SHANK2: variants seen among roughly 807,000 people sequenced by gnomAD.
The protein encoded by SHANK2 is SH3 and multiple ankyrin repeat domains protein 2.
Under a neutral mutation model 133.7 loss-of-function variants are expected in SHANK2, and 43 were observed. The ratio of observed to expected loss-of-function variants is 0.32; its 90% CI spans 0.25 to 0.41. The LOEUF (loss-of-function observed/expected upper bound fraction) is 0.41. SHANK2 is among the 10% of genes least tolerant of loss of function. SHANK2 has a pLI of 1.00. For missense variants in SHANK2, 1,994 were observed against 2,235.8 expected, an observed-to-expected ratio of 0.89 and a Z score of 2.18; for synonymous variants, 1,017 against 952.8, an observed-to-expected ratio of 1.07 and a Z score of -1.24.
intron 14 of SHANK2, among the ~76,000 whole-genome samples, chr11:70,759,037 T>C (rs2134963539): frequency 6.6e-6 from 1 of 152,106 alleles, no homozygotes; most frequent in East Asian, 1.9e-4. Context: ...TGTGTGCCTG[T>C]AGTCCCAGCT....
intron 14 of SHANK2, among the ~76,000 whole-genome samples, chr11:70,730,855 T>C (rs1452692595): frequency 7.0e-6 from 1 of 143,230 alleles, no homozygotes; most frequent in Non-Finnish European, 1.5e-5. Context: ...GTAATTTAGG[T>C]GAAATTTACA....
At chr11:70,490,898 TGTG>T (rs1555155694) in intron 22 of SHANK2, among the ~76,000 whole-genome samples, 1 of 152,206 alleles carries the variant, frequency 6.6e-6, no homozygotes, top group African/African-American at 2.4e-5. Context: ...AACCAGGTAT[TGTG>T]GTGGTGTGTG....
At chr11:70,784,409 T>C (rs1467259880) in intron 14 of SHANK2, among the ~76,000 whole-genome samples, 1 of 132,538 alleles carries the variant, frequency 7.5e-6, no homozygotes, top group Non-Finnish European at 1.6e-5. Context: ...GTTGGTGCAG[T>C]GCAGTAGTGT....
At chr11:71,235,035 C>T (rs78420742) in intron 1 of SHANK2, among the ~76,000 whole-genome samples, 1,531 of 152,278 alleles carry the variant, frequency 0.01, 23 homozygotes, top group East Asian at 0.069. Flanking sequence ...CGCTACAACA[C>T]GAATCATCCT....
chr11:71,108,455 C>A (rs1951834750), intron 6 of SHANK2, among the ~76,000 whole-genome samples: 1 of 152,158 alleles, frequency 6.6e-6, no homozygotes, highest in Non-Finnish European at 1.5e-5. Context: ...AGATGCCCTA[C>A]TACCCACCCC....
chr11:71,066,352 T>TG (rs1382670207), intron 9 of SHANK2, among the ~76,000 whole-genome samples: 118 of 19,642 alleles, frequency 6.0e-3, no homozygotes, highest in African/African-American at 0.025. Context: ...GTGGGGAAGT[T>TG]GGGGGGGTGC....
At chr11:70,942,345 A>G (rs1950659940) in intron 10 of SHANK2, among the ~76,000 whole-genome samples, 1 of 152,138 alleles carries the variant, frequency 6.6e-6, no homozygotes, top group Non-Finnish European at 1.5e-5. Flanking sequence ...GCAAGGAGGA[A>G]CCACACCTGA....
In SHANK2 at chr11:70,698,986, G is replaced by A. The variant is rs1439890464; in HGVS notation, c.1778-223C>T. Among the ~76,000 whole-genome samples the A allele has an allele frequency of 3.9e-5, 6 of 152,234 alleles. No individual in the cohort carries two copies. The South Asian group carries it at 6.2e-4, about 16-fold the overall frequency. On this transcript the variant is annotated intron_variant, in intron 14 of 25. Coordinates refer to ENST00000601538, the MANE Select transcript of SHANK2 (RefSeq NM_012309.5). The stretch of plus-strand genomic sequence containing the variant: ...TCAATGCTGGCTACTGAAGAGTCAG[G>A]AGCACTACTCCCTAAGGGAGGCAGA...
chr11:70,952,699 G>A (rs1950861755), intron 10 of SHANK2: 1 of 382,806 alleles, frequency 2.6e-6, no homozygotes, highest in African/African-American at 2.1e-5. Context: ...GGCTGCTTCA[G>A]GGCAGCACTC....
chr11:70,697,735 G>T (rs1945426640), intron 15 of SHANK2, among the ~76,000 whole-genome samples: 1 of 152,208 alleles, frequency 6.6e-6, no homozygotes, highest in African/African-American at 2.4e-5. Context: ...GCTCATCACA[G>T]ATATCCTGGA....
intron 24 of SHANK2, among the ~76,000 whole-genome samples, chr11:70,488,322 C>A (rs1330499649): frequency 6.6e-6 from 1 of 152,170 alleles, no homozygotes; most frequent in Non-Finnish European, 1.5e-5. Context: ...GTCCAGATGG[C>A]ACTTGAGCCC....
At chr11:70,884,651 T>TC (rs1555073039) in intron 11 of SHANK2, among the ~76,000 whole-genome samples, 3 of 152,186 alleles carry the variant, frequency 2.0e-5, no homozygotes, top group South Asian at 2.1e-4. Flanking sequence ...CGGTGTCCGG[T>TC]CCCCCCCACC....
chr11:70,617,897 G>C (rs1193069586), intron 17 of SHANK2, among the ~76,000 whole-genome samples: 6 of 152,094 alleles, frequency 3.9e-5, no homozygotes, highest in Non-Finnish European at 8.8e-5. Flanking sequence ...TAAATGACGA[G>C]TTAATGGGTG....
At position 70,793,727 on chromosome 11, in the gene SHANK2, C is replaced by T. The variant is rs185342141; in HGVS notation, c.1777+4716G>A. On this transcript the variant is annotated intron_variant, in intron 14 of 25. Transcript: ENST00000601538. ...AGCAACTGGAACTCTCACACACTGC[C>T]GGTAGGAGAACAAAATGGGACAGCA... Among the ~76,000 whole-genome samples, 47 of 152,224 alleles carry T rather than the reference C, an allele frequency of 3.1e-4. 2 individuals carry two copies. The highest frequency in any genetic ancestry group is 2.4e-3 in the Admixed American group (37 of 15,286).
At chr11:70,814,068 A>T (rs782413888) in intron 12 of SHANK2, among the ~76,000 whole-genome samples, 12 of 152,178 alleles carry the variant, frequency 7.9e-5, no homozygotes, top group Admixed American at 2.0e-4. Context: ...TCACCCCTGT[A>T]ATCCCAGCAC....
chr11:70,661,651 C>T lies in SHANK2; in HGVS notation c.1881G>A (p.Val627=), dbSNP rs782515193. The T allele has an allele frequency of 6.2e-7, 1 of 1,614,106 alleles. No individual in the cohort carries two copies. Among genetic ancestry groups the T allele is most frequent in the South Asian group, 1.1e-5 (1 of 91,070 alleles). The part of the protein sequence containing the change: ...SSDCIIEEKT[V]VLQKKDNEGF... ...CCTCATTGTCTTTTTTCTGCAGGACCACCGTCTTCTCCTCAATAATGCAGT... is the reference window on the plus strand; with the variant it reads ...CCTCATTGTCTTTTTTCTGCAGGACTACCGTCTTCTCCTCAATAATGCAGT... The change falls in exon 16 of 26, where the codon GTG becomes GTA. Residue 627 remains valine (V), a synonymous_variant. Coordinates refer to ENST00000601538, the MANE Select transcript of SHANK2 (RefSeq NM_012309.5).
At chr11:70,686,066 C>CCCTT (rs1331337467) in intron 15 of SHANK2, among the ~76,000 whole-genome samples, 17 of 146,822 alleles carry the variant, frequency 1.2e-4, no homozygotes, top group South Asian at 6.7e-4. Context: ...CATCCAGCTC[C>CCCTT]CCTTCCTTCC....
intron 11 of SHANK2, among the ~76,000 whole-genome samples, chr11:70,841,623 G>A (rs1288055264): frequency 6.6e-6 from 1 of 152,160 alleles, no homozygotes; most frequent in African/African-American, 2.4e-5. Context: ...GCTTGACCTG[G>A]GTGCCTGCGA....
intron 2 of SHANK2, among the ~76,000 whole-genome samples, chr11:71,157,702 T>C (rs1952931453): frequency 6.6e-6 from 1 of 152,198 alleles, no homozygotes; most frequent in Non-Finnish European, 1.5e-5. Context: ...TCAGTTTTCT[T>C]AGAGCAGAAT....
Sources: allele counts gnomAD v4.1 joint callset (sites outside exome capture counted in the v4.1 genomes callset), GRCh38; gene constraint gnomAD v4.1.1; transcripts MANE v1.5; gene names NCBI Gene and HGNC (gene_info 2026-07-23, HGNC 2026-07-21).